Variants in MAP3K5 observed in about 807,000 individuals in gnomAD.
MAP3K5 encodes the protein ASK-1.
MAP3K5 carries 56 observed loss-of-function variants against 158.7 expected under a neutral mutation model. The ratio of observed to expected loss-of-function variants is 0.35; its 90% CI spans 0.28 to 0.44. The LOEUF (loss-of-function observed/expected upper bound fraction) is 0.44. MAP3K5 is among the 20% of genes least tolerant of loss of function. The pLI is 1.00. For synonymous variants in MAP3K5, 579 were observed against 601.7 expected, an observed-to-expected ratio of 0.96 and a Z score of 0.55; for missense variants, 1,294 against 1,674.8, an observed-to-expected ratio of 0.77 and a Z score of 3.97.
intron 25 of MAP3K5, among the ~76,000 whole-genome samples, chr6:136,572,912 A>C (rs912942264): frequency 1.5e-4 from 23 of 152,354 alleles, no homozygotes; most frequent in African/African-American, 5.3e-4. Context: ...GAGCACATTG[A>C]AATATAACAT....
chr6:136,730,721 CAAAAA>C (rs377188561), intron 1 of MAP3K5, among the ~76,000 whole-genome samples: 40,446 of 86,686 alleles, frequency 0.47, 7,193 homozygotes, highest in Non-Finnish European at 0.54. Context: ...AACTCTGCCT[CAAAAA>C]AAAAAAAAAA....
intron 1 of MAP3K5, among the ~76,000 whole-genome samples, chr6:136,776,199 G>A (rs1046378815): frequency 5.3e-5 from 8 of 152,152 alleles, no homozygotes; most frequent in Admixed American, 5.2e-4. Flanking sequence ...AAGTAGAAGA[G>A]TGTCACTTGT....
chr6:136,625,022 G>A (rs967301611), intron 14 of MAP3K5, among the ~76,000 whole-genome samples: 4 of 152,196 alleles, frequency 2.6e-5, no homozygotes, highest in Non-Finnish European at 5.9e-5. Context: ...GGTGACTGCA[G>A]AAGCTAGAAA....
At chr6:136,749,246 G>A (rs1026205439) in intron 1 of MAP3K5, among the ~76,000 whole-genome samples, 4 of 151,780 alleles carry the variant, frequency 2.6e-5, no homozygotes, top group Non-Finnish European at 5.9e-5. Flanking sequence ...GGTGGCACGC[G>A]CCTCTAATCC....
At chr6:136,781,988 G>A (rs1419989663) in intron 1 of MAP3K5, among the ~76,000 whole-genome samples, 1 of 151,384 alleles carries the variant, frequency 6.6e-6, no homozygotes, top group Non-Finnish European at 1.5e-5. Context: ...GGCAGGGGCA[G>A]GTGAATTGCT....
At chr6:136,643,532 G>C (rs767556029) in intron 11 of MAP3K5, among the ~76,000 whole-genome samples, 3 of 152,212 alleles carry the variant, frequency 2.0e-5, no homozygotes, top group Admixed American at 6.5e-5. Context: ...ACAAAGCCTT[G>C]TGGCTCTGAG....
Position 136,697,207 on chromosome 6 carries a change from AC to A in MAP3K5, c.975+11del. 2 of 1,603,942 alleles carry A rather than the reference AC, an allele frequency of 1.2e-6. No individual in the cohort carries two copies. The highest frequency in any genetic ancestry group is 1.7e-6 in the Non-Finnish European group (2 of 1,173,914). On this transcript the variant is annotated intron_variant, in intron 5 of 29. Coordinates refer to ENST00000359015, the MANE Select transcript of MAP3K5 (RefSeq NM_005923.4). Reference sequence around the variant, plus strand: ...CTACACAACAAAGATTTCACTTTAAACATCTTCTCACCTGGATATCTCTGTA... The same window carrying A: ...CTACACAACAAAGATTTCACTTTAAAATCTTCTCACCTGGATATCTCTGTA...
chr6:136,754,485 G>C (rs1301555840), intron 1 of MAP3K5, among the ~76,000 whole-genome samples: 1 of 151,736 alleles, frequency 6.6e-6, no homozygotes, highest in Admixed American at 6.6e-5. Flanking sequence ...AGGCTGAGGC[G>C]GGTGGAACAC....
chr6:136,578,462 T>C (rs1460763581), intron 25 of MAP3K5, among the ~76,000 whole-genome samples: 1 of 152,062 alleles, frequency 6.6e-6, no homozygotes, highest in Non-Finnish European at 1.5e-5. Context: ...CTGGTGAGGG[T>C]AACAGCCATT....
intron 1 of MAP3K5, among the ~76,000 whole-genome samples, chr6:136,730,525 T>C (rs112333424): frequency 6.6e-6 from 1 of 150,802 alleles, no homozygotes; most frequent in African/African-American, 2.4e-5. Context: ...ATCGAGACCA[T>C]CCTGGCTAAC....
chr6:136,782,067 A>G (rs978759289), intron 1 of MAP3K5, among the ~76,000 whole-genome samples: 3 of 152,132 alleles, frequency 2.0e-5, no homozygotes, highest in Non-Finnish European at 4.4e-5. Context: ...AAAAAAAAAA[A>G]AAAAAGGGTA....
chr6:136,637,417 AG>A lies in MAP3K5; in HGVS notation c.1935-12del. The A allele has an allele frequency of 6.8e-7, 1 of 1,464,814 alleles. No homozygotes were observed. The highest frequency in any genetic ancestry group is 9.6e-7 in the Non-Finnish European group (1 of 1,043,810). 90.7% of individuals were successfully genotyped at this position (1,464,814 alleles called of 1,614,324 possible). A position where few individuals can be genotyped will look rare whatever the true frequency, so the allele number is the denominator to read the frequency against. The stretch of plus-strand genomic sequence containing the variant: ...ACCATCTCAAAAAACCTACAATACA[AG>A]TTAGCACGTGAGCATTCATAACACA... On this transcript the variant is annotated splice_polypyrimidine_tract_variant and intron_variant, in intron 13 of 29. Transcript: ENST00000359015.
rs191478145 is a variant in MAP3K5 at position 136,562,121 on chromosome 6, T to C, written c.3874+382A>G. 2.0e-3 allele frequency among the ~76,000 whole-genome samples: 299 copies of C among 152,338 alleles called. 1 individual carries two copies. Among genetic ancestry groups the C allele is most frequent in the Non-Finnish European group, 3.5e-3 (240 of 68,026 alleles). The stretch of plus-strand genomic sequence containing the variant: ...TTTACTACTACATCTTTATTCTATT[T>C]AAGCCTCTTCAAATTATAAGGAAAA... On this transcript the variant is annotated intron_variant, in intron 27 of 29. Coordinates refer to ENST00000359015, the MANE Select transcript of MAP3K5 (RefSeq NM_005923.4).
intron 1 of MAP3K5, among the ~76,000 whole-genome samples, chr6:136,745,646 G>A (rs1428223993): frequency 2.0e-5 from 3 of 152,114 alleles, no homozygotes; most frequent in African/African-American, 4.8e-5. Flanking sequence ...TCCTTGTGCC[G>A]CTGCCTGTGC....
At chr6:136,619,727 C>T (rs1380905492) in intron 15 of MAP3K5, among the ~76,000 whole-genome samples, 1 of 152,178 alleles carries the variant, frequency 6.6e-6, no homozygotes, top group East Asian at 1.9e-4. Flanking sequence ...AGAAGGGAGT[C>T]CCAGCGACAG....
chr6:136,587,598 AGCAGCTG>A (rs1775195620), intron 23 of MAP3K5, among the ~76,000 whole-genome samples: 4 of 152,184 alleles, frequency 2.6e-5, no homozygotes, highest in African/African-American at 9.7e-5. Context: ...GACCTGCAAT[AGCAGCTG>A]TCAACCTGGG....
At chr6:136,691,493 C>A (rs1389657552) in intron 7 of MAP3K5, among the ~76,000 whole-genome samples, 1 of 152,002 alleles carries the variant, frequency 6.6e-6, no homozygotes, top group East Asian at 1.9e-4. Context: ...TGCCTGTAAT[C>A]CCAGCTACTT....
chr6:136,660,922 T>C (rs2114473728), intron 8 of MAP3K5, among the ~76,000 whole-genome samples: 1 of 152,092 alleles, frequency 6.6e-6, no homozygotes, highest in Middle Eastern at 3.4e-3. Flanking sequence ...ATCCCTAAGA[T>C]TTATGGCCTG....
intron 15 of MAP3K5, among the ~76,000 whole-genome samples, chr6:136,615,157 C>T (rs998867400): frequency 1.3e-5 from 2 of 152,198 alleles, no homozygotes; most frequent in African/African-American, 4.8e-5. Flanking sequence ...TGCCAAAGAA[C>T]ATAATTTCAG....
Sources: gnomAD v4.1 joint callset for allele counts (sites outside exome capture counted in the v4.1 genomes callset) on GRCh38, gnomAD v4.1.1 for gene constraint, MANE v1.5 for transcripts, NCBI Gene and HGNC (gene_info 2026-07-23, HGNC 2026-07-21) for gene names.